Variants in GPC5 observed in about 807,000 individuals in gnomAD.
The protein encoded by GPC5 is glypican-5.
In GPC5, 47 loss-of-function variants were observed where a neutral mutation model predicts 53.9. The ratio of observed to expected loss-of-function variants is 0.87; its 90% CI spans 0.69 to 1.11. The LOEUF is 1.11. Ranked by LOEUF, GPC5 falls within the 50% of genes most tolerant of loss-of-function variation. The pLI is 0.00. For missense variants in GPC5, 748 were observed against 713.1 expected (o/e 1.05, Z -0.56); for synonymous variants, 286 against 263.3 (o/e 1.09, Z -0.84).
intron 7 of GPC5, among the ~76,000 whole-genome samples, chr13:92,789,514 G>A (rs1281804511): frequency 6.6e-6 from 1 of 152,074 alleles, no homozygotes; most frequent in Non-Finnish European, 1.5e-5. Context: ...TTTATCATGT[G>A]TGAAACTGTC....
chr13:92,111,966 C>T (rs896504181), intron 6 of GPC5, among the ~76,000 whole-genome samples: 1 of 151,976 alleles, frequency 6.6e-6, no homozygotes, highest in Non-Finnish European at 1.5e-5. Flanking sequence ...GGATTTCATC[C>T]TGAAGAAATT....
chr13:92,307,065 T>G (rs2139205102), intron 7 of GPC5, among the ~76,000 whole-genome samples: 1 of 152,342 alleles, frequency 6.6e-6, no homozygotes, highest in Non-Finnish European at 1.5e-5. Context: ...ATTCACAGGA[T>G]ATTGGAAACG....
At chr13:92,614,839 T>G (rs544693256) in intron 7 of GPC5, among the ~76,000 whole-genome samples, 5 of 152,218 alleles carry the variant, frequency 3.3e-5, no homozygotes, top group Admixed American at 2.6e-4. Context: ...ATACTAATCT[T>G]GACCTATTCA....
chr13:92,761,445 T>TA (rs1875171437), intron 7 of GPC5, among the ~76,000 whole-genome samples: 1 of 152,184 alleles, frequency 6.6e-6, no homozygotes, highest in Admixed American at 6.5e-5. Flanking sequence ...AATGACCTGT[T>TA]ACGTTTCTTG....
chr13:91,677,458 G>C (rs1379594446), intron 2 of GPC5, among the ~76,000 whole-genome samples: 1 of 152,154 alleles, frequency 6.6e-6, no homozygotes, highest in African/African-American at 2.4e-5. Flanking sequence ...TGGGCACTGA[G>C]AAAGGTTTTA....
intron 7 of GPC5, among the ~76,000 whole-genome samples, chr13:92,521,046 A>ATACTT (rs1881023148): frequency 1.3e-5 from 2 of 152,232 alleles, no homozygotes; most frequent in Admixed American, 1.3e-4. Context: ...AGAGAATAAA[A>ATACTT]TACTTAGGAA....
chr13:92,492,297 A>C (rs1026618725), intron 7 of GPC5, among the ~76,000 whole-genome samples: 1 of 151,892 alleles, frequency 6.6e-6, no homozygotes, highest in Non-Finnish European at 1.5e-5. Context: ...TTTAACAATG[A>C]GAACACTTGG....
chr13:91,784,882 A>AGTC (rs140498699), intron 5 of GPC5, among the ~76,000 whole-genome samples: 2,257 of 152,296 alleles, frequency 0.015, 43 homozygotes, highest in African/African-American at 0.043. Context: ...AACATTCAGA[A>AGTC]GTCGCTTTCA....
At chr13:92,247,607 G>A (rs2042662120) in intron 7 of GPC5, among the ~76,000 whole-genome samples, 2 of 152,064 alleles carry the variant, frequency 1.3e-5, no homozygotes, top group Non-Finnish European at 2.9e-5. Flanking sequence ...TTGTTGCAAT[G>A]TACATAATAC....
At chr13:92,093,555 C>G (rs1279125071) in intron 6 of GPC5, among the ~76,000 whole-genome samples, 1 of 152,106 alleles carries the variant, frequency 6.6e-6, no homozygotes, top group African/African-American at 2.4e-5. Context: ...GAAAATAAAA[C>G]AACTCTAGAT....
chr13:91,828,500 G>A (rs1212651105), intron 5 of GPC5, among the ~76,000 whole-genome samples: 2 of 151,922 alleles, frequency 1.3e-5, no homozygotes, highest in Admixed American at 6.6e-5. Context: ...TGACTATCTC[G>A]CAGATCCTGG....
chr13:91,697,238 G>A (rs1401714866), intron 3 of GPC5, among the ~76,000 whole-genome samples: 1 of 152,142 alleles, frequency 6.6e-6, no homozygotes, highest in Non-Finnish European at 1.5e-5. Context: ...TACCTCCCGG[G>A]TTCAAACGAT....
intron 2 of GPC5, among the ~76,000 whole-genome samples, chr13:91,589,529 C>T (rs7333385): frequency 1.3e-5 from 2 of 152,066 alleles, no homozygotes; most frequent in African/African-American, 2.4e-5. Flanking sequence ...CTCTAAATGA[C>T]TCTCACTACT....
At chr13:92,653,459 A>C (rs769764979) in intron 7 of GPC5, among the ~76,000 whole-genome samples, 2 of 152,232 alleles carry the variant, frequency 1.3e-5, no homozygotes, top group African/African-American at 2.4e-5. Flanking sequence ...ATCTGCTAAA[A>C]TGTCTTTTTT....
intron 7 of GPC5, among the ~76,000 whole-genome samples, chr13:92,732,519 A>G (rs1888835808): frequency 6.7e-6 from 1 of 149,656 alleles, no homozygotes; most frequent in Non-Finnish European, 1.5e-5. Flanking sequence ...TGATTTAGTG[A>G]TTTTCTTCTT....
intron 2 of GPC5, among the ~76,000 whole-genome samples, chr13:91,596,449 C>T (rs936583340): frequency 1.2e-4 from 19 of 152,174 alleles, no homozygotes; most frequent in African/African-American, 4.1e-4. Flanking sequence ...AATTATAATA[C>T]ACTGTCAATT....
At chr13:91,556,350 C>T (rs979228124) in intron 2 of GPC5, among the ~76,000 whole-genome samples, 1 of 151,820 alleles carries the variant, frequency 6.6e-6, no homozygotes, top group Non-Finnish European at 1.5e-5. Context: ...ATTGGAACTA[C>T]CATTTGATCC....
intron 6 of GPC5, among the ~76,000 whole-genome samples, chr13:92,050,864 T>C (rs1454076051): frequency 2.0e-5 from 3 of 152,234 alleles, no homozygotes; most frequent in South Asian, 4.1e-4. Context: ...GAAGAAATAT[T>C]GCACATGCCG....
At chr13:92,527,318 C>G (rs1488846009) in intron 7 of GPC5, among the ~76,000 whole-genome samples, 2 of 151,620 alleles carry the variant, frequency 1.3e-5, no homozygotes, top group Non-Finnish European at 2.9e-5. Context: ...AAGTAGAACT[C>G]TGGGACCTAC....
Sources: allele counts gnomAD v4.1 joint callset (sites outside exome capture counted in the v4.1 genomes callset), GRCh38; gene constraint gnomAD v4.1.1; transcripts MANE v1.5; gene names NCBI Gene and HGNC (gene_info 2026-07-23, HGNC 2026-07-21).